Variants in PLCH2 observed in about 807,000 individuals in gnomAD.
PLCH2 encodes the protein phospholipase C eta 2.
In PLCH2, 98 loss-of-function variants were observed where a neutral mutation model predicts 134.7. The ratio of observed to expected loss-of-function variants is 0.73; its 90% CI spans 0.62 to 0.86. The LOEUF is 0.86. Among genes scored for constraint, PLCH2 ranks in the 40% least tolerant of loss-of-function variants. PLCH2 has a pLI of 0.00. For synonymous variants in PLCH2, 974 were observed against 827.5 expected (o/e 1.18, Z -3.04); for missense variants, 1,994 against 1,986.6 (o/e 1.00, Z -0.07).
intron 16 of PLCH2, 138 bp downstream of exon 16, chr1:2,497,747 G>C (rs1005338536): frequency 1.2e-5 from 7 of 581,454 alleles, no homozygotes; most frequent in African/African-American, 1.1e-4. Context: ...GGAGGGTCAG[G>C]TTGGGACGAA....
At chr1:2,441,914 A>C (rs1053190892) in intron 2 of PLCH2, among the ~76,000 whole-genome samples, 1 of 152,144 alleles carries the variant, frequency 6.6e-6, no homozygotes, top group Non-Finnish European at 1.5e-5. Context: ...GCTTCACTGC[A>C]GGCTCATGGT....
At chr1:2,488,828 C>G (rs1642413207) in intron 8 of PLCH2, among the ~76,000 whole-genome samples, 1 of 152,212 alleles carries the variant, frequency 6.6e-6, no homozygotes, top group Non-Finnish European at 1.5e-5. Flanking sequence ...GATTCTATTT[C>G]CCAGCCTATC....
intron 2 of PLCH2, chr1:2,479,484 C>G: frequency 2.2e-6 from 1 of 453,254 alleles, no homozygotes; most frequent in Non-Finnish European, 4.0e-6. Flanking sequence ...GGTGGATGCT[C>G]TCCCTCGTGG....
chr1:2,473,632 T>C (rs1055354263), upstream of PLCH2, among the ~76,000 whole-genome samples: 1 of 152,184 alleles, frequency 6.6e-6, no homozygotes, highest in Non-Finnish European at 1.5e-5. Context: ...TCCACCTGTG[T>C]CCAGCCAGCG....
At chr1:2,500,156 G>C (rs1643137127) in intron 20 of PLCH2, 1 of 200,324 alleles carries the variant, frequency 5.0e-6, no homozygotes, top group Non-Finnish European at 1.0e-5. Context: ...GGGTTTGCCT[G>C]TGACTCCACA....
At chr1:2,489,626 C>T (rs1408320714) in intron 9 of PLCH2, 134 bp from the exon 10 acceptor site, 3 of 779,432 alleles carry the variant, frequency 3.8e-6, no homozygotes, top group South Asian at 3.3e-5. Context: ...CTGGCCCCTG[C>T]CCCATGGCTG....
chr1:2,494,170 G>A (rs1642743967), intron 11 of PLCH2, among the ~76,000 whole-genome samples: 1 of 152,196 alleles, frequency 6.6e-6, no homozygotes, highest in African/African-American at 2.4e-5. Flanking sequence ...GTGTCTGTGG[G>A]AGGGGCTGCA....
chr1:2,449,758 A>G (rs1032176930), intron 2 of PLCH2, among the ~76,000 whole-genome samples: 1 of 152,196 alleles, frequency 6.6e-6, no homozygotes, highest in African/African-American at 2.4e-5. Context: ...CAGCAGTAGT[A>G]TGTTATGGGC....
At chr1:2,446,568 A>G (rs1639952121) in intron 2 of PLCH2, among the ~76,000 whole-genome samples, 1 of 152,190 alleles carries the variant, frequency 6.6e-6, no homozygotes, top group African/African-American at 2.4e-5. Context: ...ACAGGCGCAC[A>G]TTGGAGGCAG....
Position 2,489,216 on chromosome 1 carries a change from G to A in PLCH2, c.1245G>A (p.Val415=). The change falls in exon 9 of 22, where the codon GTG becomes GTA. Residue 415 remains valine (V), a synonymous_variant. Transcript: ENST00000378486. Reference sequence around the variant, plus strand: ...TGCCTTGGGGCCACAGGTACCCAGTGATCCTGTCCATCGAAAACCACTGCA... The same window carrying A: ...TGCCTTGGGGCCACAGGTACCCAGTAATCCTGTCCATCGAAAACCACTGCA... ...KYAFIKNEYP[V]ILSIENHCSV... 1.9e-6 allele frequency: 3 copies of A among 1,613,794 alleles called. No homozygotes were observed. The highest frequency in any genetic ancestry group is 1.7e-6 in the Non-Finnish European group (2 of 1,179,814).
At chr1:2,483,610 G>A (rs1399171278) in intron 4 of PLCH2, among the ~76,000 whole-genome samples, 2 of 152,124 alleles carry the variant, frequency 1.3e-5, no homozygotes, top group African/African-American at 4.8e-5. Context: ...ACCCTTGTGA[G>A]GCAAAGTCCT....
chr1:2,483,291 T>C (rs1031822602), intron 4 of PLCH2, among the ~76,000 whole-genome samples: 2 of 152,096 alleles, frequency 1.3e-5, no homozygotes, highest in East Asian at 3.9e-4. Context: ...GCATATCTGA[T>C]CAGCCCGTCC....
intron 1 of PLCH2, among the ~76,000 whole-genome samples, chr1:2,426,651 A>C (rs987734123): frequency 6.6e-6 from 1 of 152,024 alleles, no homozygotes; most frequent in Non-Finnish European, 1.5e-5. Context: ...GGCGGGCTCC[A>C]CTCCCTCCAT....
chr1:2,504,098 G>T lies in PLCH2; in HGVS notation c.3136G>T (p.Glu1046Ter). The change falls in exon 22 of 22, where the codon GAG becomes TAG. Residue 1046 changes from glutamate to a stop codon, truncating the protein, a stop_gained. Coordinates refer to ENST00000378486, the MANE Select transcript of PLCH2 (RefSeq NM_014638.4). LOFTEE classifies it high-confidence loss of function. ...GPGANVASPL[E>*]DTEEPRDSRP... ...CGGAGCCAATGTGGCAAGCCCCCTAGAGGACACTGAGGAGCCCCGAGACAG... is the reference window on the plus strand; with the variant it reads ...CGGAGCCAATGTGGCAAGCCCCCTATAGGACACTGAGGAGCCCCGAGACAG... The T allele has an allele frequency of 6.5e-7, 1 of 1,530,570 alleles. No homozygotes were observed. Among genetic ancestry groups the T allele is most frequent in the Non-Finnish European group, 8.8e-7 (1 of 1,138,962 alleles). 94.8% of individuals were successfully genotyped at this position (1,530,570 alleles called of 1,614,324 possible).
chr1:2,455,756 G>A (rs1234781217), intron 2 of PLCH2, among the ~76,000 whole-genome samples: 1 of 152,140 alleles, frequency 6.6e-6, no homozygotes, highest in East Asian at 1.9e-4. Context: ...GTGTGAGAGG[G>A]CCCAGTTCGG....
upstream of PLCH2, among the ~76,000 whole-genome samples, chr1:2,465,702 G>T (rs1032704541): frequency 6.6e-6 from 1 of 152,226 alleles, no homozygotes; most frequent in South Asian, 2.1e-4. Flanking sequence ...TGCAGCGGGC[G>T]GCTTTTAATC....
intron 11 of PLCH2, chr1:2,492,253 C>T (rs1416885845): frequency 6.6e-6 from 1 of 152,230 alleles, no homozygotes; most frequent in Non-Finnish European, 1.5e-5. Flanking sequence ...GGCCTCGGAG[C>T]ACTCGGCACA....
Position 2,426,760 on chromosome 1 carries a change from G to C in PLCH2, c.-178+723G>C, listed in dbSNP as rs568101747. 8.5e-4 allele frequency among the ~76,000 whole-genome samples: 130 copies of C among 152,322 alleles called. 2 individuals are homozygous for C. The South Asian group carries it at 0.026, about 31-fold the overall frequency. On this transcript the variant is annotated intron_variant, in intron 1 of 3. Coordinates refer to the PLCH2 transcript ENST00000609981. ...GCCTCGCACTTCCTGACACGGTTGT[G>C]GGGTCGGGGCTGCTGGGTTCTTTGT...
intron 8 of PLCH2, 110 bp downstream of exon 8, chr1:2,487,828 G>A: frequency 1.9e-6 from 2 of 1,071,384 alleles, no homozygotes. Flanking sequence ...AGCAGTGACT[G>A]TGGTGACCAG....
Sources: allele counts gnomAD v4.1 joint callset (sites outside exome capture counted in the v4.1 genomes callset), GRCh38; gene constraint gnomAD v4.1.1; transcripts MANE v1.5; gene names NCBI Gene and HGNC (gene_info 2026-07-23, HGNC 2026-07-21).